MYT1L: variants seen among roughly 807,000 people sequenced by gnomAD.
MYT1L encodes the protein myelin transcription factor 1-like protein.
A neutral mutation model predicts 126.7 loss-of-function variants in MYT1L; 12 were observed. That is an observed-to-expected ratio of 0.09 (90% CI 0.06 to 0.15). The LOEUF (loss-of-function observed/expected upper bound fraction) is 0.15, where lower values mean the gene tolerates loss of function less well. Ranked by LOEUF, MYT1L falls within the 10% of genes least tolerant of loss-of-function variation. The pLI is 1.00. For missense variants in MYT1L, 979 were observed against 1,585.2 expected (o/e 0.62, Z 6.49); for synonymous variants, 541 against 604.2 (o/e 0.90, Z 1.53).
At chr2:1,882,265 C>T (rs970813801) in intron 18 of MYT1L, among the ~76,000 whole-genome samples, 14 of 152,126 alleles carry the variant, frequency 9.2e-5, no homozygotes, top group African/African-American at 3.1e-4. Context: ...ACGCTATGCA[C>T]GGGAGTGACC....
At chr2:2,160,058 G>C (rs2087587394) in intron 3 of MYT1L, among the ~76,000 whole-genome samples, 1 of 152,124 alleles carries the variant, frequency 6.6e-6, no homozygotes, top group African/African-American at 2.4e-5. Context: ...CTGCAGATGA[G>C]GATGATCATA....
intron 11 of MYT1L, among the ~76,000 whole-genome samples, chr2:1,916,753 T>C (rs2149068192): frequency 6.6e-6 from 1 of 152,356 alleles, no homozygotes; most frequent in East Asian, 1.9e-4. Context: ...ACTTCAGATC[T>C]AAATATGCAT....
At chr2:2,189,030 C>A (rs2092402290) in intron 2 of MYT1L, among the ~76,000 whole-genome samples, 1 of 152,148 alleles carries the variant, frequency 6.6e-6, no homozygotes, top group Admixed American at 6.6e-5. Flanking sequence ...TCCTCCCCAG[C>A]GTAGCCAAGA....
chr2:1,887,581 G>A lies in MYT1L; in HGVS notation c.2549C>T (p.Ala850Val). The change falls in exon 17 of 25, where the codon GCT becomes GTT. Residue 850 changes from alanine to valine, a missense_variant. Physicochemically the swap from Ala to Val is moderately conservative, Grantham distance 64 (BLOSUM62 0). Around this residue, in one of 12 missense-constraint regions of MYT1L, gnomAD observed 141 missense variants for 170.6 expected, o/e 0.83. Coordinates refer to ENST00000647738, the MANE Select transcript of MYT1L (RefSeq NM_001303052.2). The surrounding 1 kb of genome is among the most constrained non-coding windows in gnomAD (Gnocchi z 4.8). ...CCCGGGATACCGTCTTTCTTCTAGA[G>A]CCTCCTGGAATGGGTCCAAGTCTTC... ...TPEDLDPFQE[A>V]LEERRYPGEV... 7.4e-6 allele frequency: 12 copies of A among 1,613,990 alleles called. No individual in the cohort carries two copies. Among genetic ancestry groups the A allele is most frequent in the Non-Finnish European group, 1.0e-5 (12 of 1,179,894 alleles).
Position 1,801,744 on chromosome 2 carries a change from A to G in MYT1L, c.3228T>C (p.Asn1076=). ...CGGCTTCCATCTGGGAATTGGATTC[A>G]TTTAGCTCCTTGATTTCTTCATCTA... ...KQLDEEIKEL[N]ESNSQMEADM... is the part of the protein sequence containing the mutation. The change falls in exon 23 of 25, where the codon AAT becomes AAC. Residue 1076 remains asparagine (N), a synonymous_variant. Transcript: ENST00000647738. The surrounding 1 kb of genome is among the most constrained non-coding windows in gnomAD (Gnocchi z 4.2). 3 of 1,612,506 alleles carry G rather than the reference A, an allele frequency of 1.9e-6. No homozygotes were observed. The highest frequency in any genetic ancestry group is 2.5e-6 in the Non-Finnish European group (3 of 1,179,310).
intron 1 of MYT1L, among the ~76,000 whole-genome samples, chr2:2,322,609 A>G (rs2096188099): frequency 6.6e-6 from 1 of 152,036 alleles, no homozygotes; most frequent in Non-Finnish European, 1.5e-5. Context: ...AAAAAAAACA[A>G]AATAGCTGGG....
chr2:2,232,708 C>A (rs2094190307), intron 2 of MYT1L, among the ~76,000 whole-genome samples: 1 of 152,140 alleles, frequency 6.6e-6, no homozygotes, highest in Admixed American at 6.5e-5. Flanking sequence ...TGGTTGGACA[C>A]TTATTTAAGT....
chr2:2,067,563 C>A (rs2074033327), intron 3 of MYT1L, among the ~76,000 whole-genome samples: 1 of 151,888 alleles, frequency 6.6e-6, no homozygotes. Flanking sequence ...CTGTCTGTAC[C>A]AAAACAAAAA....
At chr2:2,002,771 G>C (rs772742598) in intron 4 of MYT1L, among the ~76,000 whole-genome samples, 1 of 152,162 alleles carries the variant, frequency 6.6e-6, no homozygotes, top group Non-Finnish European at 1.5e-5. Context: ...GGAGGTAACT[G>C]GATCACGGGG....
chr2:1,978,698 G>GT (rs2060364928), intron 8 of MYT1L, among the ~76,000 whole-genome samples: 1 of 152,166 alleles, frequency 6.6e-6, no homozygotes. Context: ...CCGTCCAGAT[G>GT]TAAGAATGGG....
intron 23 of MYT1L, among the ~76,000 whole-genome samples, chr2:1,797,511 T>A (rs940456616): frequency 2.6e-5 from 4 of 152,176 alleles, no homozygotes; most frequent in Non-Finnish European, 4.4e-5. Context: ...TGAGCCACTG[T>A]GCCCGGCCAG....
At chr2:1,989,696 T>G (rs2061327573) in intron 5 of MYT1L, among the ~76,000 whole-genome samples, 1 of 151,698 alleles carries the variant, frequency 6.6e-6, no homozygotes, top group Non-Finnish European at 1.5e-5. Flanking sequence ...TAATGAACAT[T>G]CAAAAAACTT....
At chr2:1,955,787 G>A (rs530652034) in intron 8 of MYT1L, among the ~76,000 whole-genome samples, 1 of 152,314 alleles carries the variant, frequency 6.6e-6, no homozygotes, top group Non-Finnish European at 1.5e-5. Context: ...TGCCTATATG[G>A]TGTTTGATAA....
At chr2:1,856,048 C>T (rs746601723) in intron 18 of MYT1L, among the ~76,000 whole-genome samples, 3 of 152,070 alleles carry the variant, frequency 2.0e-5, no homozygotes, top group African/African-American at 4.8e-5. Context: ...TTACAGCCAA[C>T]GTGCAGAATT....
intron 19 of MYT1L, among the ~76,000 whole-genome samples, chr2:1,850,188 CTTCCTTCCTTCCTTCCTTCCTT>C (rs1469290162): frequency 1.2e-4 from 1 of 8,204 alleles, no homozygotes; most frequent in African/African-American, 2.2e-3. Flanking sequence ...CTCCCCCTTC[CTTCCTTCCTTCCTTCCTTCCTT>C]CCTTCCTTCC....
At chr2:2,225,723 C>A (rs1415556461) in intron 2 of MYT1L, among the ~76,000 whole-genome samples, 1 of 152,096 alleles carries the variant, frequency 6.6e-6, no homozygotes, top group Non-Finnish European at 1.5e-5. Flanking sequence ...TCTGGTACAA[C>A]TGCTTAATTA....
intron 1 of MYT1L, among the ~76,000 whole-genome samples, chr2:2,297,776 A>G (rs1379236958): frequency 6.6e-6 from 1 of 152,064 alleles, no homozygotes; most frequent in Non-Finnish European, 1.5e-5. Context: ...CCAGGAAAAT[A>G]AAGGGAATGT....
intron 2 of MYT1L, among the ~76,000 whole-genome samples, chr2:2,207,030 A>T (rs1383483031): frequency 6.6e-6 from 1 of 152,240 alleles, no homozygotes; most frequent in African/African-American, 2.4e-5. Flanking sequence ...TGGTGAGTTC[A>T]GTGTTAATGA....
chr2:2,183,977 GAA>G (rs1307624939), intron 2 of MYT1L, among the ~76,000 whole-genome samples: 8 of 125,804 alleles, frequency 6.4e-5, no homozygotes, highest in Non-Finnish European at 1.0e-4. Flanking sequence ...AGAAGAGAAA[GAA>G]AGAGAGAGAG....
Sources: allele counts gnomAD v4.1 joint callset (sites outside exome capture counted in the v4.1 genomes callset), GRCh38; gene constraint gnomAD v4.1.1; regional missense constraint gnomAD v4.1.1; non-coding constraint Gnocchi (gnomAD v3.1); transcripts MANE v1.5; gene names NCBI Gene and HGNC (gene_info 2026-07-23, HGNC 2026-07-21).